The following RAP1GAP2 variants were observed in gnomAD, a reference collection of about 807,000 sequenced individuals.
The protein encoded by RAP1GAP2 is rap1 GTPase-activating protein 2.
In RAP1GAP2, 27 loss-of-function variants were observed where a neutral mutation model predicts 95.0. The observed-to-expected ratio is 0.28, with a 90% CI of 0.21 to 0.39. RAP1GAP2 has a LOEUF of 0.39. Among genes scored for constraint, RAP1GAP2 ranks in the 10% least tolerant of loss-of-function variants. The pLI, the probability that RAP1GAP2 is intolerant of heterozygous loss-of-function variation, is 1.00. For missense variants in RAP1GAP2, 771 were observed against 970.0 expected (o/e 0.79, Z 2.72); for synonymous variants, 373 against 380.9 (o/e 0.98, Z 0.24).
rs1438210304 is a variant in RAP1GAP2, at chr17:2,906,491, A to T, written c.165+1123A>T. ...TGGGCGGGGGGGCAGGACAGGGTGC[A>T]GGGCTGACCAAGGAGAGCTGTGCTG... On this transcript the variant is annotated intron_variant, in intron 3 of 24. Coordinates refer to ENST00000254695, the MANE Select transcript of RAP1GAP2 (RefSeq NM_015085.5). This position sits in a 1 kb window ranked among gnomAD's most constrained non-coding sequence, Gnocchi z 4.3. 2.0e-5 allele frequency among the ~76,000 whole-genome samples: 3 copies of T among 152,062 alleles called. No homozygotes were observed. Among genetic ancestry groups the T allele is most frequent in the African/African-American group, 7.2e-5 (3 of 41,420 alleles).
chr17:2,781,880 C>G (rs563278146), intron 1 of RAP1GAP2, among the ~76,000 whole-genome samples: 102 of 151,960 alleles, frequency 6.7e-4, no homozygotes, highest in Middle Eastern at 3.4e-3. Flanking sequence ...GTGCACGTCT[C>G]TGTGTGTGCA....
chr17:2,925,490 C>G (rs1407804935), intron 3 of RAP1GAP2, among the ~76,000 whole-genome samples: 1 of 152,156 alleles, frequency 6.6e-6, no homozygotes, highest in South Asian at 2.1e-4. Flanking sequence ...CATGAGAACT[C>G]ACTCACTGTC....
chr17:2,757,630 G>A (rs114169887), intron 1 of RAP1GAP2, among the ~76,000 whole-genome samples: 2,760 of 151,982 alleles, frequency 0.018, 86 homozygotes, highest in African/African-American at 0.063. Context: ...GTTGATCTGG[G>A]CCACTGATGA....
rs1372788639 is a variant in RAP1GAP2, at chr17:2,965,536, T to C, written c.493-4T>C. On this transcript the variant is annotated splice_polypyrimidine_tract_variant and splice_region_variant and intron_variant, in intron 7 of 24. Coordinates refer to ENST00000254695, the MANE Select transcript of RAP1GAP2 (RefSeq NM_015085.5). This position sits in a 1 kb window ranked among gnomAD's most constrained non-coding sequence, Gnocchi z 4.7. ...TCCTGCTCACACTCAGTTTCTTTTT[T>C]TAGGATCATCTAAACTTTTACTGTA... 1 of 1,606,978 alleles carries C rather than the reference T, an allele frequency of 6.2e-7. No homozygotes were observed. Among genetic ancestry groups the C allele is most frequent in the Admixed American group, 1.7e-5 (1 of 58,960 alleles).
At chr17:2,845,590 T>C (rs2106394) in intron 2 of RAP1GAP2, among the ~76,000 whole-genome samples, 119,761 of 151,962 alleles carry the variant, frequency 0.79, 47,844 homozygotes, top group African/African-American at 0.93. Context: ...CAGCTGGGTG[T>C]GGTGGCTCAC....
intron 2 of RAP1GAP2, among the ~76,000 whole-genome samples, chr17:2,880,276 C>T (rs1458787255): frequency 6.8e-6 from 1 of 146,034 alleles, no homozygotes; most frequent in African/African-American, 2.6e-5. Context: ...CAGGAACCCA[C>T]AGGCTGTGTA....
At chr17:2,914,902 C>T (rs1226480538) in intron 3 of RAP1GAP2, among the ~76,000 whole-genome samples, 3 of 151,836 alleles carry the variant, frequency 2.0e-5, no homozygotes, top group Middle Eastern at 3.4e-3. Context: ...AACGATTCTC[C>T]TGCCTCAGTC....
At chr17:2,879,235 CCT>C (rs2073201796) in intron 2 of RAP1GAP2, among the ~76,000 whole-genome samples, 7 of 152,000 alleles carry the variant, frequency 4.6e-5, no homozygotes, top group African/African-American at 1.7e-4. Flanking sequence ...CCTGCCTCGG[CCT>C]CCCAAGTATC....
At chr17:2,996,025 T>C (rs1325409032) in intron 13 of RAP1GAP2, among the ~76,000 whole-genome samples, 4 of 152,232 alleles carry the variant, frequency 2.6e-5, no homozygotes, top group Non-Finnish European at 5.9e-5. Context: ...GTTCATACGA[T>C]GCCCAATTCA....
rs560878906 is a variant in RAP1GAP2, at chr17:2,902,904, G to A, written c.81-2380G>A. 6.6e-6 allele frequency among the ~76,000 whole-genome samples: 1 copy of A among 152,320 alleles called. No individual in the cohort carries two copies. Among genetic ancestry groups the A allele is most frequent in the South Asian group, 2.1e-4 (1 of 4,832 alleles). ...GAACAATAATCATATGTGCCCTGGT[G>A]CCATGAGCGTGGACACCTTGTGCCT... On this transcript the variant is annotated intron_variant, in intron 2 of 24. Transcript: ENST00000254695. The surrounding 1 kb of genome is among the most constrained non-coding windows in gnomAD (Gnocchi z 4.1).
At chr17:2,763,138 C>A (rs2068214466) in intron 1 of RAP1GAP2, among the ~76,000 whole-genome samples, 1 of 152,184 alleles carries the variant, frequency 6.6e-6, no homozygotes, top group Non-Finnish European at 1.5e-5. Context: ...TCAATGCAAT[C>A]CAATTCAGCA....
chr17:2,963,489 T>A lies in RAP1GAP2; in HGVS notation c.279+27T>A. ...TAGGTGCCCTCCCCTCACTCCCACCTGCCCTGCAGCCTGCTCTGGGTCCCG... is the reference window on the plus strand; with the variant it reads ...TAGGTGCCCTCCCCTCACTCCCACCAGCCCTGCAGCCTGCTCTGGGTCCCG... On this transcript the variant is annotated intron_variant, in intron 6 of 24. Transcript: ENST00000254695. This position sits in a 1 kb window ranked among gnomAD's most constrained non-coding sequence, Gnocchi z 4.8. The A allele has an allele frequency of 6.2e-7, 1 of 1,613,586 alleles. No homozygotes were observed.
At chr17:2,772,717 A>T (rs937288242), upstream of RAP1GAP2, among the ~76,000 whole-genome samples, 3 of 152,176 alleles carry the variant, frequency 2.0e-5, no homozygotes, top group Non-Finnish European at 4.4e-5. Context: ...TCAGATGAGG[A>T]AACTGAGGCA....
chr17:3,032,732 G>C (rs542640922), intron 24 of RAP1GAP2, among the ~76,000 whole-genome samples: 1 of 149,172 alleles, frequency 6.7e-6, no homozygotes, highest in Admixed American at 6.7e-5. Context: ...AAGGGGAGTC[G>C]CCCAAGCCCG....
intron 3 of RAP1GAP2, among the ~76,000 whole-genome samples, chr17:2,929,227 C>T (rs1217335139): frequency 6.6e-6 from 1 of 152,000 alleles, no homozygotes; most frequent in African/African-American, 2.4e-5. Context: ...AGTGAGACTC[C>T]ATCTCAAGAA....
chr17:2,968,546 G>A (rs1267538706), intron 8 of RAP1GAP2, among the ~76,000 whole-genome samples: 1 of 152,098 alleles, frequency 6.6e-6, no homozygotes, highest in African/African-American at 2.4e-5. Context: ...GTACTTTGAT[G>A]AAAATTTAGT....
chr17:3,013,628 TTTTC>T (rs1300669607), intron 17 of RAP1GAP2, among the ~76,000 whole-genome samples: 11 of 37,964 alleles, frequency 2.9e-4, no homozygotes, highest in Admixed American at 1.7e-3. Context: ...TTTTCTTTTC[TTTTC>T]TTTTTTTTTT....
At chr17:2,849,324 CCAG>C (rs1250603943) in intron 2 of RAP1GAP2, among the ~76,000 whole-genome samples, 2 of 152,172 alleles carry the variant, frequency 1.3e-5, no homozygotes, top group Non-Finnish European at 2.9e-5. Flanking sequence ...GTCATTCTGC[CCAG>C]CAGTGGGGCG....
At chr17:2,914,329 C>T (rs561144325) in intron 3 of RAP1GAP2, among the ~76,000 whole-genome samples, 1 of 152,324 alleles carries the variant, frequency 6.6e-6, no homozygotes, top group South Asian at 2.1e-4. Context: ...AACGGTATCT[C>T]ATTGTGGTTT....
Sources: allele counts gnomAD v4.1 joint callset (sites outside exome capture counted in the v4.1 genomes callset), GRCh38; gene constraint gnomAD v4.1.1; non-coding constraint Gnocchi (gnomAD v3.1); transcripts MANE v1.5; gene names NCBI Gene and HGNC (gene_info 2026-07-23, HGNC 2026-07-21).